GOLGA4: variants seen among roughly 807,000 people sequenced by gnomAD.
GOLGA4 encodes golgin subfamily A member 4.
A neutral mutation model predicts 265.9 loss-of-function variants in GOLGA4; 169 were observed. That is an observed-to-expected ratio of 0.64 (90% CI 0.56 to 0.72). The LOEUF (loss-of-function observed/expected upper bound fraction) is 0.72, where lower values mean the gene tolerates loss of function less well. GOLGA4 is among the 30% of genes least tolerant of loss of function. GOLGA4 has a pLI of 0.00. For missense variants in GOLGA4, 2,482 were observed against 2,483.4 expected, an observed-to-expected ratio of 1.00 and a Z score of 0.01; for synonymous variants, 923 against 855.8, an observed-to-expected ratio of 1.08 and a Z score of -1.37.
chr3:37,249,421 G>A (rs529654397), intron 1 of GOLGA4, among the ~76,000 whole-genome samples: 1 of 151,878 alleles, frequency 6.6e-6, no homozygotes, highest in Admixed American at 6.6e-5. Flanking sequence ...TTGTTTATAT[G>A]CTTTTTTTTT....
At chr3:37,292,293 G>A (rs933524281) in intron 5 of GOLGA4, among the ~76,000 whole-genome samples, 7 of 152,158 alleles carry the variant, frequency 4.6e-5, no homozygotes, top group Admixed American at 1.3e-4. Flanking sequence ...CAGAAGTGGG[G>A]GAGAAGGGAG....
intron 2 of GOLGA4, among the ~76,000 whole-genome samples, chr3:37,260,874 A>G (rs1279654603): frequency 6.6e-6 from 1 of 152,056 alleles, no homozygotes. Context: ...TCACATGGGA[A>G]AGGACTGCTA....
intron 11 of GOLGA4, among the ~76,000 whole-genome samples, chr3:37,318,323 A>G (rs915240535): frequency 3.9e-5 from 6 of 152,230 alleles, no homozygotes; most frequent in African/African-American, 1.4e-4. Flanking sequence ...CTGGGATTAC[A>G]GGCATAAGCC....
intron 23 of GOLGA4, among the ~76,000 whole-genome samples, chr3:37,365,672 T>A (rs1223436801): frequency 6.6e-6 from 1 of 152,234 alleles, no homozygotes; most frequent in East Asian, 1.9e-4. Context: ...TGGTAAATGG[T>A]TGCAGTTCCA....
In GOLGA4 at chr3:37,289,925, T is replaced by C. The variant is rs574776220; in HGVS notation, c.582+634T>C. 9.8e-5 allele frequency among the ~76,000 whole-genome samples: 15 copies of C among 152,348 alleles called. No individual in the cohort carries two copies. The South Asian group carries it at 3.1e-3, about 32-fold the overall frequency. ...GGTGTTTTCTCTCCACTCATTTGTA[T>C]TGTTTGTTGAAGAATATCTTGTTAC... On this transcript the variant is annotated intron_variant, in intron 5 of 23. Transcript: ENST00000361924.
At position 37,296,105 on chromosome 3, in the gene GOLGA4, C is replaced by T. The variant is rs1451351826; in HGVS notation, c.700C>T (p.Arg234Ter). 15 of 1,613,482 alleles carry T rather than the reference C, an allele frequency of 9.3e-6. No homozygotes were observed. Among genetic ancestry groups the T allele is most frequent in the African/African-American group, 1.3e-5 (1 of 74,874 alleles). The change falls in exon 7 of 24, where the codon CGA becomes TGA. Residue 234 changes from arginine (R) to a stop codon, truncating the protein, a stop_gained. Transcript: ENST00000361924. LOFTEE classifies it high-confidence loss of function. ...LQTQVSLLKQ[R>*]LRNGPMNVDV... ...ATATTAGGTTTCTCTACTGAAACAA[C>T]GATTACGAAATGGCCCGATGAATGT...
chr3:37,328,334 A>G, intron 14 of GOLGA4, 82 bp from the exon 15 acceptor site: 1 of 1,345,486 alleles, frequency 7.4e-7, no homozygotes. Flanking sequence ...CTCATACTGT[A>G]TGCACTGTTT....
intron 16 of GOLGA4, among the ~76,000 whole-genome samples, chr3:37,330,669 G>A (rs1012348398): frequency 6.6e-6 from 1 of 152,162 alleles, no homozygotes; most frequent in African/African-American, 2.4e-5. Flanking sequence ...GGGTGGGCAA[G>A]GGAGTGGCAT....
intron 10 of GOLGA4, among the ~76,000 whole-genome samples, chr3:37,314,004 G>A (rs1431612869): frequency 6.7e-6 from 1 of 148,170 alleles, no homozygotes; most frequent in Non-Finnish European, 1.5e-5. Context: ...TTGCTCTGTC[G>A]GCCAGGCTGG....
At position 37,333,498 on chromosome 3, in the gene GOLGA4, T is replaced by C. The variant is rs2096998519; in HGVS notation, c.6193-1555T>C. Reference sequence around the variant, plus strand: ...TTTTCTAATTATTGGGGGGGCTTGCTTTAGATTAGTATCCCACAGATGTCA... The same window carrying C: ...TTTTCTAATTATTGGGGGGGCTTGCCTTAGATTAGTATCCCACAGATGTCA... On this transcript the variant is annotated intron_variant, in intron 16 of 23. Coordinates refer to ENST00000361924, the MANE Select transcript of GOLGA4 (RefSeq NM_002078.5). Among the ~76,000 whole-genome samples the C allele has an allele frequency of 2.0e-5, 3 of 152,212 alleles. No individual in the cohort carries two copies. In the South Asian group the frequency reaches 6.2e-4, roughly 32 times the overall value.
At chr3:37,284,337 T>A (rs181175652) in intron 3 of GOLGA4, among the ~76,000 whole-genome samples, 2 of 152,248 alleles carry the variant, frequency 1.3e-5, no homozygotes, top group African/African-American at 4.8e-5. Flanking sequence ...TGATCTCGGC[T>A]CACTGCAACC....
At chr3:37,312,596 C>T (rs1559413834) in intron 10 of GOLGA4, among the ~76,000 whole-genome samples, 2 of 150,296 alleles carry the variant, frequency 1.3e-5, no homozygotes, top group Non-Finnish European at 2.9e-5. Context: ...AATCACTGCT[C>T]ACTGAAGCCT....
At chr3:37,308,555 G>A (rs2150900173) in intron 10 of GOLGA4, among the ~76,000 whole-genome samples, 1 of 151,502 alleles carries the variant, frequency 6.6e-6, no homozygotes, top group African/African-American at 2.4e-5. Flanking sequence ...TGATTCCAAA[G>A]AGCTTTATTT....
chr3:37,275,152 G>A (rs2096811274), intron 2 of GOLGA4, among the ~76,000 whole-genome samples: 1 of 143,760 alleles, frequency 7.0e-6, no homozygotes, highest in South Asian at 2.3e-4. Context: ...GGAGGCGGAG[G>A]TTGCAGTGGG....
At chr3:37,268,718 C>G (rs768249051) in intron 2 of GOLGA4, among the ~76,000 whole-genome samples, 46 of 152,100 alleles carry the variant, frequency 3.0e-4, no homozygotes, top group Non-Finnish European at 4.9e-4. Context: ...ACCACAGATG[C>G]GCACCACCAT....
At chr3:37,287,451 A>G (rs796265829) in intron 4 of GOLGA4, 3 of 152,266 alleles carry the variant, frequency 2.0e-5, no homozygotes, top group Admixed American at 1.3e-4. Flanking sequence ...TGAAATTAAA[A>G]TAGTAGGTAT....
intron 2 of GOLGA4, among the ~76,000 whole-genome samples, 200 bp from the exon 3 acceptor site, chr3:37,281,758 C>T (rs992300730): frequency 6.6e-6 from 1 of 152,192 alleles, no homozygotes; most frequent in African/African-American, 2.4e-5. Context: ...GACCTGCACC[C>T]CAGTCCTCTG....
At chr3:37,341,873 T>A (rs568388892) in intron 20 of GOLGA4, 6 of 152,236 alleles carry the variant, frequency 3.9e-5, no homozygotes, top group Admixed American at 6.5e-5. Context: ...ATTTAATAGC[T>A]AACTCATAAT....
At chr3:37,341,943 G>C (rs968325633) in intron 20 of GOLGA4, among the ~76,000 whole-genome samples, 3 of 152,176 alleles carry the variant, frequency 2.0e-5, no homozygotes, top group Admixed American at 1.3e-4. Flanking sequence ...ATTTTTCTCA[G>C]ATTTCTCAAG....
Sources: allele counts gnomAD v4.1 joint callset (sites outside exome capture counted in the v4.1 genomes callset), GRCh38; gene constraint gnomAD v4.1.1; transcripts MANE v1.5; gene names NCBI Gene and HGNC (gene_info 2026-07-23, HGNC 2026-07-21).